The following EHBP1L1 variants were observed in gnomAD, a reference collection of about 807,000 sequenced individuals.
The protein encoded by EHBP1L1 is EH domain-binding protein 1-like protein 1.
EHBP1L1 carries 122 observed loss-of-function variants against 151.1 expected under a neutral mutation model. The ratio of observed to expected loss-of-function variants is 0.81; its 90% CI spans 0.70 to 0.94. The LOEUF (loss-of-function observed/expected upper bound fraction) is 0.94, where lower values mean the gene tolerates loss of function less well. Ranked by LOEUF, EHBP1L1 falls within the 40% of genes least tolerant of loss-of-function variation. The probability of loss-of-function intolerance (pLI) is 0.00; values close to 1 mark genes in which losing one functional copy is unlikely to be tolerated. For missense variants in EHBP1L1, 1,941 were observed against 1,959.8 expected (o/e 0.99, Z 0.18); for synonymous variants, 878 against 810.1 (o/e 1.08, Z -1.42).
intron 1 of EHBP1L1, among the ~76,000 whole-genome samples, chr11:65,576,701 C>T (rs933931173): frequency 1.1e-4 from 17 of 152,026 alleles, no homozygotes; most frequent in Non-Finnish European, 2.4e-4. Flanking sequence ...GGAGGGAGGC[C>T]GCATGTCTTG....
intron 3 of EHBP1L1, 114 bp from the exon 4 acceptor site, chr11:65,579,822 G>A (rs1328548541): frequency 1.7e-5 from 16 of 946,122 alleles, no homozygotes; most frequent in Non-Finnish European, 2.3e-5. Flanking sequence ...GGAAGACTCC[G>A]TCTCAAAAAA....
At position 65,583,528 on chromosome 11, in the gene EHBP1L1, G is replaced by A. The variant is rs769656758; in HGVS notation, c.2856G>A (p.Trp952Ter). 1.2e-6 allele frequency: 2 copies of A among 1,613,122 alleles called. No homozygotes were observed. Among genetic ancestry groups the A allele is most frequent in the Non-Finnish European group, 1.7e-6 (2 of 1,179,632 alleles). The change falls in exon 9 of 19, where the codon TGG (tryptophan) becomes TGA (stop). Residue 952 changes from tryptophan (W) to a stop codon, truncating the protein, a stop_gained. Transcript: ENST00000309295. LOFTEE classifies it high-confidence loss of function. ...WGMSEGKSGA[W>*]GAQEAEMKVL... ...TGTCAGAGGGCAAATCTGGGGCTTG[G>A]GGGGCCCAGGAAGCAGAGATGAAGG...
rs1371783186 is a variant in EHBP1L1, at chr11:65,585,610, C to G, written c.3933+19C>G. 9.7e-6 allele frequency: 15 copies of G among 1,553,560 alleles called. No individual in the cohort carries two copies. The highest frequency in any genetic ancestry group is 1.2e-5 in the Non-Finnish European group (14 of 1,156,746). ...GGCTGCAGTGAGTGTCAAGGTCCTT[C>G]TTTCTTCCCCCGCCGCAGCGCGGGG... On this transcript the variant is annotated intron_variant, in intron 12 of 18. Transcript: ENST00000309295. This position sits in a 1 kb window ranked among gnomAD's most constrained non-coding sequence, Gnocchi z 4.0.
At position 65,582,825 on chromosome 11, in the gene EHBP1L1, G is replaced by T; in HGVS notation, c.2153G>T (p.Gly718Val). ...AGGGTACCAGAGTCAGAGGCTGAGGGGACAGAAGCTAAAATATTAGGGACC... is the reference window on the plus strand; with the variant it reads ...AGGGTACCAGAGTCAGAGGCTGAGGTGACAGAAGCTAAAATATTAGGGACC... ...ASRVPESEAE[G>V]TEAKILGTQE... Residue 718 changes from glycine to valine, a missense_variant, in exon 9 of 19, where the codon GGG (glycine) becomes GTG (valine). Physicochemically the swap from Gly to Val is moderately radical, Grantham distance 109 (BLOSUM62 -3). Transcript: ENST00000309295. 1.2e-6 allele frequency: 2 copies of T among 1,613,252 alleles called. No individual in the cohort carries two copies. The highest frequency in any genetic ancestry group is 1.7e-6 in the Non-Finnish European group (2 of 1,179,728).
At position 65,580,112 on chromosome 11, in the gene EHBP1L1, C is replaced by T. The variant is rs200464958; in HGVS notation, c.344C>T (p.Thr115Met). The change falls in exon 5 of 19, where the codon ACG becomes ATG. Residue 115 changes from threonine to methionine, a missense_variant. Transcript: ENST00000309295. The stretch of plus-strand genomic sequence containing the variant: ...AAGGGGCAGCGGAAGGTGCTGGCCA[C>T]GGCCGAGGTGGACCTGGCCCGCCAT... Reference protein sequence around the residue: ...ESKGQRKVLATAEVDLARHAG... With the variant: ...ESKGQRKVLAMAEVDLARHAG... The T allele has an allele frequency of 9.4e-5, 152 of 1,613,094 alleles. No individual in the cohort carries two copies. Among genetic ancestry groups the T allele is most frequent in the Admixed American group, 4.0e-4 (24 of 59,944 alleles).
intron 16 of EHBP1L1, among the ~76,000 whole-genome samples, chr11:65,590,943 A>G (rs1858244011): frequency 6.6e-6 from 1 of 152,168 alleles, no homozygotes; most frequent in Non-Finnish European, 1.5e-5. Context: ...AGGCAGGAGA[A>G]TCGCTTGAAC....
At chr11:65,578,179 CT>C (rs1299099556) in intron 1 of EHBP1L1, 1 of 152,474 alleles carries the variant, frequency 6.6e-6, no homozygotes, top group East Asian at 1.9e-4. Context: ...ATGTCACCCC[CT>C]GGAAGTCTTT....
chr11:65,582,280 C>T lies in EHBP1L1; in HGVS notation c.1608C>T (p.Pro536=). The change falls in exon 9 of 19, where the codon CCC becomes CCT. Residue 536 remains proline (P), a synonymous_variant. Coordinates refer to ENST00000309295, the MANE Select transcript of EHBP1L1 (RefSeq NM_001099409.3). ...CTGTTGGAGCAATAAGCACCAGGCC[C>T]CAGGTGAGCAGCTGGCAGGGGGCCC... is the stretch of plus-strand genomic sequence containing the variant. ...GPSVGAISTR[P]QVSSWQGALL... 3 of 1,530,512 alleles carry T rather than the reference C, an allele frequency of 2.0e-6. No homozygotes were observed. The highest frequency in any genetic ancestry group is 2.6e-6 in the Non-Finnish European group (3 of 1,144,256). The allele number at this position is 1,530,512 out of a possible 1,614,324, so 94.8% of individuals were successfully genotyped here.
intron 3 of EHBP1L1, 93 bp from the exon 4 acceptor site, chr11:65,579,843 C>G (rs1282186938): frequency 8.7e-7 from 1 of 1,145,642 alleles, no homozygotes; most frequent in Non-Finnish European, 1.2e-6. Context: ...AAAAAAAAAG[C>G]CACCACTACC....
At position 65,581,261 on chromosome 11, in the gene EHBP1L1, C is replaced by A. The variant is rs773522600; in HGVS notation, c.754C>A (p.Pro252Thr). 1.2e-6 allele frequency: 2 copies of A among 1,611,512 alleles called. No individual in the cohort carries two copies. The highest frequency in any genetic ancestry group is 4.5e-5 in the East Asian group (2 of 44,810). Residue 252 changes from proline to threonine, a missense_variant, in exon 8 of 19, where the codon CCT (proline) becomes ACT (threonine). Coordinates refer to ENST00000309295, the MANE Select transcript of EHBP1L1 (RefSeq NM_001099409.3). ...EDTSPAPVSA[P>T]APPARTSRGQ... ...TACCAGCCCAGCCCCTGTGAGTGCT[C>A]CTGCACCCCCAGCCAGAACCTCCCG...
chr11:65,582,082 C>G lies in EHBP1L1; in HGVS notation c.1410C>G (p.Thr470=), dbSNP rs754393486. The change falls in exon 9 of 19, where the codon ACC becomes ACG. Residue 470 remains threonine (T), a synonymous_variant. Coordinates refer to ENST00000309295, the MANE Select transcript of EHBP1L1 (RefSeq NM_001099409.3). ...RGSQGRLGVR[T]RDEAPSGLSL... ...CTCAGGGGAGGCTGGGAGTCAGGAC[C>G]AGGGATGAGGCTCCCTCAGGCCTGA... 6.2e-7 allele frequency: 1 copy of G among 1,610,888 alleles called. No individual in the cohort carries two copies. Among genetic ancestry groups the G allele is most frequent in the Non-Finnish European group, 8.5e-7 (1 of 1,178,668 alleles).
chr11:65,580,586 C>T, intron 6 of EHBP1L1, 107 bp downstream of exon 6: 1 of 1,456,598 alleles, frequency 6.9e-7, no homozygotes, highest in Non-Finnish European at 9.2e-7. Flanking sequence ...GAACTCATTA[C>T]TGCCCAGGCA....
intron 1 of EHBP1L1, 47 bp from the exon 2 acceptor site, chr11:65,579,031 G>C: frequency 1.3e-6 from 2 of 1,541,380 alleles, no homozygotes; most frequent in Non-Finnish European, 1.8e-6. Flanking sequence ...AGGTGAGCCT[G>C]ACCAAGCAGC....
At chr11:65,590,427 C>T in intron 15 of EHBP1L1, 66 bp from the exon 16 acceptor site, 1 of 1,572,790 alleles carries the variant, frequency 6.4e-7, no homozygotes, top group Non-Finnish European at 8.6e-7. Flanking sequence ...CCTCCCCCAA[C>T]CCCCAGCTGC....
rs771650178 is a variant in EHBP1L1 at position 65,582,651 on chromosome 11, G to A, written c.1979G>A (p.Gly660Asp). The change falls in exon 9 of 19, where the codon GGT (glycine) becomes GAT (aspartate). Residue 660 changes from glycine to aspartate, a missense_variant. Coordinates refer to ENST00000309295, the MANE Select transcript of EHBP1L1 (RefSeq NM_001099409.3). ...VLGTQKTEAG[G>D]SGVLQTRTTI... The stretch of plus-strand genomic sequence containing the variant: ...GGGACCCAGAAAACAGAAGCTGGGG[G>A]TTCAGGAGTTTTGCAGACAAGAACT... The A allele has an allele frequency of 5.6e-6, 9 of 1,613,598 alleles. No individual in the cohort carries two copies. The highest frequency in any genetic ancestry group is 6.8e-6 in the Non-Finnish European group (8 of 1,179,848).
chr11:65,584,860 G>T, intron 11 of EHBP1L1, 99 bp from the exon 12 acceptor site: 2 of 1,451,354 alleles, frequency 1.4e-6, no homozygotes, highest in Non-Finnish European at 1.8e-6. Context: ...AAAACCCGGG[G>T]TGCCAATCCC....
intron 12 of EHBP1L1, among the ~76,000 whole-genome samples, chr11:65,587,731 G>A (rs150354375): frequency 6.6e-6 from 1 of 152,188 alleles, no homozygotes; most frequent in Non-Finnish European, 1.5e-5. Flanking sequence ...GGTGTGACTG[G>A]CCCCAAGGCA....
chr11:65,584,762 G>T lies in EHBP1L1; in HGVS notation c.3301-197G>T, dbSNP rs575470243. On this transcript the variant is annotated intron_variant, in intron 11 of 18. Transcript: ENST00000309295. ...TTTTCCAAAACCACCCTTTGGTAACGGGGTGGACGGTGTGCCGTTGCTAAG... is the reference window on the plus strand; with the variant it reads ...TTTTCCAAAACCACCCTTTGGTAACTGGGTGGACGGTGTGCCGTTGCTAAG... The T allele has an allele frequency of 1.2e-4, 112 of 947,280 alleles. No homozygotes were observed. The African/African-American group carries it at 1.5e-3, about 13-fold the overall frequency. The allele number at this position is 947,280 out of a possible 1,614,324, so 58.7% of individuals were successfully genotyped here.
Position 65,585,587 on chromosome 11 carries a change from C to T in EHBP1L1, c.3929C>T (p.Ala1310Val). Reference sequence around the variant, plus strand: ...GACGCGGGAGCCATGGGAGCTGCGGCTGCAGTGAGTGTCAAGGTCCTTCTT... The same window carrying T: ...GACGCGGGAGCCATGGGAGCTGCGGTTGCAGTGAGTGTCAAGGTCCTTCTT... The part of the protein sequence containing the change: ...DPDAGAMGAA[A>V]AEGQAPDPSP... Residue 1310 changes from alanine to valine, a missense_variant, in exon 12 of 19, where the codon GCT becomes GTT. Coordinates refer to ENST00000309295, the MANE Select transcript of EHBP1L1 (RefSeq NM_001099409.3). The surrounding 1 kb of genome is among the most constrained non-coding windows in gnomAD (Gnocchi z 4.0). 6.3e-7 allele frequency: 1 copy of T among 1,575,176 alleles called. No homozygotes were observed. The highest frequency in any genetic ancestry group is 8.6e-7 in the Non-Finnish European group (1 of 1,168,224).
Sources: gnomAD v4.1 joint callset for allele counts (sites outside exome capture counted in the v4.1 genomes callset) on GRCh38, gnomAD v4.1.1 for gene constraint, Gnocchi (gnomAD v3.1) non-coding constraint, MANE v1.5 for transcripts, NCBI Gene and HGNC (gene_info 2026-07-23, HGNC 2026-07-21) for gene names.